MACROD1: variants seen among roughly 807,000 people sequenced by gnomAD.
MACROD1 encodes the protein mono-ADP ribosylhydrolase 1.
A neutral mutation model predicts 41.4 loss-of-function variants in MACROD1; 31 were observed. The ratio of observed to expected loss-of-function variants is 0.75; its 90% CI spans 0.56 to 1.01. MACROD1 has a LOEUF of 1.01. MACROD1 is among the 50% of genes least tolerant of loss of function. The pLI, the probability that MACROD1 is intolerant of heterozygous loss-of-function variation, is 0.00. For synonymous variants in MACROD1, 252 were observed against 203.4 expected (o/e 1.24, Z -2.03); for missense variants, 473 against 460.0 (o/e 1.03, Z -0.26).
chr11:64,055,274 C>A (rs184622575), intron 3 of MACROD1, among the ~76,000 whole-genome samples: 3 of 152,316 alleles, frequency 2.0e-5, no homozygotes, highest in African/African-American at 2.4e-5. Context: ...GAGCGGGACA[C>A]CATGCAGTGG....
chr11:64,107,163 G>A (rs1226619111), intron 3 of MACROD1, among the ~76,000 whole-genome samples: 2 of 152,076 alleles, frequency 1.3e-5, no homozygotes, highest in Non-Finnish European at 2.9e-5. Flanking sequence ...GGATTACAAT[G>A]AGCCAACTTG....
At chr11:64,078,349 T>C (rs906982038) in intron 3 of MACROD1, among the ~76,000 whole-genome samples, 3 of 152,238 alleles carry the variant, frequency 2.0e-5, no homozygotes, top group African/African-American at 7.2e-5. Flanking sequence ...TCCCAGTCCC[T>C]GGCCCGTCTG....
At chr11:64,158,770 C>A (rs1945707917) in intron 1 of MACROD1, among the ~76,000 whole-genome samples, 1 of 152,222 alleles carries the variant, frequency 6.6e-6, no homozygotes, top group Admixed American at 6.5e-5. Context: ...CAGATACCGA[C>A]AAGGGCCCAA....
intron 3 of MACROD1, among the ~76,000 whole-genome samples, chr11:64,078,877 C>G (rs1413617362): frequency 6.6e-6 from 1 of 152,166 alleles, no homozygotes; most frequent in East Asian, 1.9e-4. Context: ...GCAGAGGGGA[C>G]AGCGAGAACT....
At chr11:64,014,657 T>C (rs1228640225) in intron 4 of MACROD1, among the ~76,000 whole-genome samples, 7 of 152,176 alleles carry the variant, frequency 4.6e-5, no homozygotes, top group Non-Finnish European at 7.4e-5. Flanking sequence ...AGGCAGGTGC[T>C]GGGGGTACAG....
At chr11:64,126,884 A>T (rs1194111062) in intron 3 of MACROD1, 1 of 151,794 alleles carries the variant, frequency 6.6e-6, no homozygotes, top group Non-Finnish European at 1.5e-5. Context: ...GTGCAGCACT[A>T]TCTCCTTTCT....
chr11:64,077,695 G>A (rs1383635166), intron 3 of MACROD1, among the ~76,000 whole-genome samples: 1 of 152,182 alleles, frequency 6.6e-6, no homozygotes, highest in Non-Finnish European at 1.5e-5. Context: ...TGTTGTCTGG[G>A]AGCATCAGCA....
At chr11:64,079,419 G>A (rs935134653) in intron 3 of MACROD1, among the ~76,000 whole-genome samples, 2 of 152,124 alleles carry the variant, frequency 1.3e-5, no homozygotes, top group Non-Finnish European at 2.9e-5. Flanking sequence ...GGGGGTGTGC[G>A]AAGACAGTGG....
intron 3 of MACROD1, among the ~76,000 whole-genome samples, chr11:64,084,222 C>T (rs1944354191): frequency 6.6e-6 from 1 of 152,048 alleles, no homozygotes; most frequent in African/African-American, 2.4e-5. Flanking sequence ...AGGCCTGGGG[C>T]AAAGCAGTGA....
rs1356621981 is a variant in MACROD1 at position 64,166,063 on chromosome 11, C to T, written c.-69G>A. 1 of 1,234,486 alleles carries T rather than the reference C, an allele frequency of 8.1e-7. No homozygotes were observed. Among genetic ancestry groups the T allele is most frequent in the Non-Finnish European group, 1.0e-6 (1 of 989,920 alleles). 76.5% of individuals were successfully genotyped at this position (1,234,486 alleles called of 1,614,324 possible). A position where few individuals can be genotyped will look rare whatever the true frequency, so the allele number is the denominator to read the frequency against. On this transcript the variant is annotated 5_prime_UTR_variant, in exon 1 of 11. Coordinates refer to ENST00000255681, the MANE Select transcript of MACROD1 (RefSeq NM_014067.4). ...TTACGGCGCTCGGGAGTGTCTCTCCCTTATTTACTCTGGGACCGGGTGGCG... is the reference window on the plus strand; with the variant it reads ...TTACGGCGCTCGGGAGTGTCTCTCCTTTATTTACTCTGGGACCGGGTGGCG...
chr11:64,002,774 GC>G (rs1004535582), intron 4 of MACROD1, among the ~76,000 whole-genome samples: 18 of 152,290 alleles, frequency 1.2e-4, no homozygotes, highest in African/African-American at 4.3e-4. Flanking sequence ...CTTACCTGGG[GC>G]TAAGCTAGGT....
chr11:64,062,300 A>T (rs1190720624), intron 3 of MACROD1, among the ~76,000 whole-genome samples: 3 of 152,104 alleles, frequency 2.0e-5, no homozygotes, highest in Non-Finnish European at 4.4e-5. Flanking sequence ...TCTATCAGTG[A>T]GTGAGTGATG....
chr11:64,104,106 C>G (rs1294345519), intron 3 of MACROD1: 1 of 152,268 alleles, frequency 6.6e-6, no homozygotes, highest in East Asian at 1.9e-4. Context: ...GTCGCGGCTT[C>G]GTGACTTTGG....
At chr11:64,071,900 A>G (rs1232260325) in intron 3 of MACROD1, among the ~76,000 whole-genome samples, 3 of 152,170 alleles carry the variant, frequency 2.0e-5, no homozygotes, top group South Asian at 4.1e-4. Flanking sequence ...CGCCTCAAGA[A>G]GCAACCCCTA....
At chr11:64,152,202 G>A in intron 2 of MACROD1, 90 bp downstream of exon 2, 1 of 1,000,724 alleles carries the variant, frequency 1.0e-6, no homozygotes, top group Non-Finnish European at 1.6e-6. Context: ...CTCGATACAT[G>A]CCACTGGACT....
At chr11:64,001,567 G>T in intron 4 of MACROD1, 1 of 702,350 alleles carries the variant, frequency 1.4e-6, no homozygotes, top group Non-Finnish European at 2.6e-6. Context: ...TGCCCTGGGG[G>T]CACAATTAAA....
At chr11:64,089,709 T>G (rs1290222784) in intron 3 of MACROD1, among the ~76,000 whole-genome samples, 2 of 152,164 alleles carry the variant, frequency 1.3e-5, no homozygotes, top group Non-Finnish European at 2.9e-5. Flanking sequence ...AGTGGGGCTC[T>G]TGAGGGAGGG....
intron 3 of MACROD1, chr11:64,116,719 C>T: frequency 6.2e-7 from 1 of 1,613,746 alleles, no homozygotes; most frequent in Non-Finnish European, 8.5e-7. Flanking sequence ...GCCCGCATCC[C>T]GCTGCTGGAG....
intron 3 of MACROD1, among the ~76,000 whole-genome samples, chr11:64,016,111 G>A (rs1486214472): frequency 6.6e-6 from 1 of 151,980 alleles, no homozygotes; most frequent in Admixed American, 6.6e-5. Flanking sequence ...TGACGGCTTT[G>A]TGGCTGCCAC....
Sources: allele counts gnomAD v4.1 joint callset (sites outside exome capture counted in the v4.1 genomes callset), GRCh38; gene constraint gnomAD v4.1.1; transcripts MANE v1.5; gene names NCBI Gene and HGNC (gene_info 2026-07-23, HGNC 2026-07-21).